The following RDH8 variants were observed in gnomAD, a reference collection of about 807,000 sequenced individuals.
The protein encoded by RDH8 is retinol dehydrogenase 8.
Under a neutral mutation model 22.3 loss-of-function variants are expected in RDH8, and 14 were observed. The ratio of observed to expected loss-of-function variants is 0.63; its 90% CI spans 0.42 to 0.98. The LOEUF is 0.98. RDH8 is among the 50% of genes least tolerant of loss of function. The pLI is 0.00. For missense variants in RDH8, 389 were observed against 409.8 expected (o/e 0.95, Z 0.44); for synonymous variants, 175 against 171.7 (o/e 1.02, Z -0.15).
intron 2 of RDH8, among the ~76,000 whole-genome samples, 191 bp downstream of exon 2, chr19:10,017,406 C>T (rs1025725009): frequency 2.0e-5 from 3 of 152,178 alleles, no homozygotes; most frequent in Non-Finnish European, 4.4e-5. Flanking sequence ...GGGCTGGGTG[C>T]AGTGGCTCAT....
intron 1 of RDH8, among the ~76,000 whole-genome samples, chr19:10,016,560 A>G (rs1407554280): frequency 6.6e-6 from 1 of 151,968 alleles, no homozygotes; most frequent in Non-Finnish European, 1.5e-5. Context: ...TCCTGGGCTC[A>G]AGCAATCCTC....
chr19:10,015,437 A>C (rs547567898), intron 1 of RDH8, among the ~76,000 whole-genome samples: 3 of 152,030 alleles, frequency 2.0e-5, no homozygotes, highest in Admixed American at 2.0e-4. Context: ...TAAGCGACAG[A>C]GCATGACTCT....
At chr19:10,020,122 C>A (rs560597447) in intron 3 of RDH8, among the ~76,000 whole-genome samples, 1 of 151,488 alleles carries the variant, frequency 6.6e-6, no homozygotes, top group Non-Finnish European at 1.5e-5. Context: ...GTCTCCCCCC[C>A]GCCAAAAAAA....
At position 10,017,128 on chromosome 19, in the gene RDH8, AC is replaced by A; in HGVS notation, c.178del (p.Leu60SerfsTer29). On this transcript the variant is annotated frameshift_variant, in exon 2 of 6. Transcript: ENST00000591589. LOFTEE classifies it high-confidence loss of function. ...AGCTGCTGGGGAGGCTCTGGGGCAG[AC>A]CCTCACCGTGGCCCAGCTGGACGTG... Reference protein sequence around the residue: ...EAAAGEALGQTLTVAQLDVCS... With the variant: ...EAAAGEALGQXLTVAQLDVCS... The A allele has an allele frequency of 1.2e-6, 2 of 1,610,840 alleles. No homozygotes were observed. Among genetic ancestry groups the A allele is most frequent in the Middle Eastern group, 1.7e-4 (1 of 5,990 alleles).
chr19:10,015,779 C>T (rs1158285046), intron 1 of RDH8, among the ~76,000 whole-genome samples: 4 of 151,814 alleles, frequency 2.6e-5, no homozygotes, highest in Non-Finnish European at 5.9e-5. Flanking sequence ...CCCGTCTCTA[C>T]TAAAAATACA....
intron 1 of RDH8, among the ~76,000 whole-genome samples, chr19:10,015,980 A>G (rs2087611303): frequency 6.6e-6 from 1 of 151,758 alleles, no homozygotes; most frequent in Non-Finnish European, 1.5e-5. Context: ...ATATATATAT[A>G]TGGCTATTCA....
chr19:10,017,314 G>A, intron 2 of RDH8, 99 bp downstream of exon 2: 6 of 1,286,934 alleles, frequency 4.7e-6, no homozygotes, highest in Non-Finnish European at 6.1e-6. Flanking sequence ...GGCTTCTTCA[G>A]CAATCTCTGA....
At chr19:10,016,800 AGCAC>A in intron 1 of RDH8, among the ~76,000 whole-genome samples, 1 of 152,190 alleles carries the variant, frequency 6.6e-6, no homozygotes. Context: ...CCATAGCCTC[AGCAC>A]CTAGAATAGG....
chr19:10,018,241 G>A (rs1194250738), intron 2 of RDH8, among the ~76,000 whole-genome samples: 1 of 152,166 alleles, frequency 6.6e-6, no homozygotes, highest in Non-Finnish European at 1.5e-5. Flanking sequence ...ACCATGCCCA[G>A]CTCAAAAATC....
At chr19:10,020,998 C>T in intron 4 of RDH8, 196 bp downstream of exon 4, 1 of 628,072 alleles carries the variant, frequency 1.6e-6, no homozygotes, top group South Asian at 2.0e-5. Flanking sequence ...ATAGCGAGAC[C>T]CCCATCTCAG....
rs115448817 is a variant in RDH8, at chr19:10,013,637, T to C, written c.103+37T>C. ...AGGGTGGCACTAGGAGGCAGCCGGG[T>C]GGAAACGGCTTCCCCAGCACTGTCT... On this transcript the variant is annotated intron_variant, in intron 1 of 5. Coordinates refer to ENST00000591589, the MANE Select transcript of RDH8 (RefSeq NM_015725.4). 6.9e-4 allele frequency: 1,116 copies of C among 1,611,006 alleles called. 10 individuals carry two copies. In the African/African-American group the frequency reaches 0.013, roughly 18 times the overall value.
chr19:10,020,855 C>A, intron 4 of RDH8, 53 bp downstream of exon 4: 1 of 1,298,624 alleles, frequency 7.7e-7, no homozygotes, highest in Non-Finnish European at 1.1e-6. Context: ...GGGGAGGTGG[C>A]ATCGAAAGGG....
At chr19:10,019,122 G>C (rs1053509687) in intron 3 of RDH8, among the ~76,000 whole-genome samples, 62 of 150,310 alleles carry the variant, frequency 4.1e-4, no homozygotes, top group African/African-American at 1.4e-3. Context: ...CATGGTGAAA[G>C]CCCGTTCCTA....
intron 1 of RDH8, 86 bp downstream of exon 1, chr19:10,013,686 C>T (rs1219986506): frequency 2.7e-5 from 39 of 1,420,112 alleles, no homozygotes; most frequent in Non-Finnish European, 3.7e-5. Flanking sequence ...CTCCCAGCTG[C>T]ACTTGTGGGC....
chr19:10,016,765 C>T (rs1291819136), intron 1 of RDH8, among the ~76,000 whole-genome samples: 2 of 152,188 alleles, frequency 1.3e-5, no homozygotes, highest in Non-Finnish European at 2.9e-5. Flanking sequence ...AGCCACCACA[C>T]CTGGTGACTT....
intron 3 of RDH8, 41 bp from the exon 4 acceptor site, chr19:10,020,668 C>A: frequency 7.1e-7 from 1 of 1,409,270 alleles, no homozygotes; most frequent in Non-Finnish European, 1.0e-6. Context: ...AAGCCCACCT[C>A]CCAGACCCTC....
Position 10,022,155 on chromosome 19 carries a change from A to G in RDH8, c.*406A>G, listed in dbSNP as rs1203578694. 2 of 208,860 alleles carry G rather than the reference A, an allele frequency of 9.6e-6. No homozygotes were observed. Among genetic ancestry groups the G allele is most frequent in the Non-Finnish European group, 1.9e-5 (2 of 103,316 alleles). 12.9% of individuals were successfully genotyped at this position (208,860 alleles called of 1,614,324 possible). On this transcript the variant is annotated 3_prime_UTR_variant, in exon 6 of 6. Transcript: ENST00000591589. ...CATAGCCCACCCCCCACCTCCATGCATACACCAGAGCTCTGTGGACCAAGG... is the reference window on the plus strand; with the variant it reads ...CATAGCCCACCCCCCACCTCCATGCGTACACCAGAGCTCTGTGGACCAAGG...
intron 4 of RDH8, 122 bp downstream of exon 4, chr19:10,020,924 C>T (rs1568443019): frequency 2.7e-6 from 2 of 750,490 alleles, no homozygotes; most frequent in Non-Finnish European, 4.5e-6. Flanking sequence ...GTAAGTCCAG[C>T]GTTTTGAGAG....
chr19:10,015,526 G>C (rs1417612364), intron 1 of RDH8, among the ~76,000 whole-genome samples: 2 of 152,088 alleles, frequency 1.3e-5, no homozygotes, highest in Non-Finnish European at 2.9e-5. Flanking sequence ...CTACTTGAGA[G>C]GCTAAGGCAG....
Sources: gnomAD v4.1 joint callset for allele counts (sites outside exome capture counted in the v4.1 genomes callset) on GRCh38, gnomAD v4.1.1 for gene constraint, MANE v1.5 for transcripts, NCBI Gene and HGNC (gene_info 2026-07-23, HGNC 2026-07-21) for gene names.